The following LRRTM4 variants were observed in gnomAD, a reference collection of about 807,000 sequenced individuals.
The protein encoded by LRRTM4 is leucine rich repeat transmembrane neuronal 4, also known as leucine-rich repeat transmembrane neuronal protein 4.
In LRRTM4, 25 loss-of-function variants were observed where a neutral mutation model predicts 47.6. That is an observed-to-expected ratio of 0.53 (90% CI 0.38 to 0.73). The LOEUF (loss-of-function observed/expected upper bound fraction) is 0.73, where lower values mean the gene tolerates loss of function less well. LRRTM4 is among the 30% of genes least tolerant of loss of function. The pLI, the probability that LRRTM4 is intolerant of heterozygous loss-of-function variation, is 0.00. For synonymous variants in LRRTM4, 311 were observed against 269.5 expected (o/e 1.15, Z -1.51); for missense variants, 638 against 713.4 (o/e 0.89, Z 1.20).
intron 3 of LRRTM4, among the ~76,000 whole-genome samples, chr2:77,155,324 G>A (rs1251817987): frequency 1.3e-5 from 2 of 151,576 alleles, no homozygotes; most frequent in Admixed American, 6.6e-5. Flanking sequence ...GATACTGATA[G>A]TCATTGGATT....
At chr2:76,775,510 A>G (rs1488820510) in intron 3 of LRRTM4, among the ~76,000 whole-genome samples, 1 of 152,158 alleles carries the variant, frequency 6.6e-6, no homozygotes, top group African/African-American at 2.4e-5. Context: ...ATTTTTTGAC[A>G]ATAGGGACAA....
chr2:77,450,286 C>A (rs931003057), intron 3 of LRRTM4, among the ~76,000 whole-genome samples: 5 of 125,850 alleles, frequency 4.0e-5, no homozygotes, highest in Non-Finnish European at 7.0e-5. Context: ...CTCTGTCATG[C>A]ACACACACAC....
At chr2:77,325,368 T>A (rs1287117953) in intron 3 of LRRTM4, among the ~76,000 whole-genome samples, 1 of 152,084 alleles carries the variant, frequency 6.6e-6, no homozygotes, top group African/African-American at 2.4e-5. Flanking sequence ...AAGACGTGAG[T>A]TCAGTTTGGG....
intron 2 of LRRTM4, among the ~76,000 whole-genome samples, chr2:77,521,022 TCAAA>T (rs80037959): frequency 0.072 from 10,882 of 152,074 alleles, 465 homozygotes; most frequent in Non-Finnish European, 0.093. Flanking sequence ...ATCCTTCTTC[TCAAA>T]CAGTTAAGTT....
rs77669486 is a variant in LRRTM4 at position 77,495,562 on chromosome 2, T to C, written c.1551+22756A>G. On this transcript the variant is annotated intron_variant, in intron 3 of 3. Coordinates refer to ENST00000409884, the MANE Select transcript of LRRTM4 (RefSeq NM_001134745.3). The stretch of plus-strand genomic sequence containing the variant: ...TAGGTCTATGATCCATGAAATCAAA[T>C]TGGTATGAGGCATGAGGTTGAGTGA... 7.5e-3 allele frequency among the ~76,000 whole-genome samples: 1,135 copies of C among 152,174 alleles called. 32 individuals carry two copies. The highest frequency in any genetic ancestry group is 0.063 in the East Asian group (329 of 5,184).
intron 3 of LRRTM4, among the ~76,000 whole-genome samples, chr2:76,882,187 A>G (rs939527848): frequency 6.6e-6 from 1 of 152,170 alleles, no homozygotes; most frequent in East Asian, 1.9e-4. Context: ...TGATGTCTAT[A>G]TAAGATATTA....
chr2:77,454,952 C>T (rs1416501230), intron 3 of LRRTM4, among the ~76,000 whole-genome samples: 1 of 152,100 alleles, frequency 6.6e-6, no homozygotes, highest in East Asian at 1.9e-4. Context: ...CTTTGGGAGG[C>T]TGAGGCAGGC....
rs1306884477 is a variant in LRRTM4, at chr2:76,945,177, T to G, written c.1552-196261A>C. On this transcript the variant is annotated intron_variant, in intron 3 of 3. Transcript: ENST00000409884. ...TACCAAGTGTAATTATTTAATAGTTTTCCTTTTATCTCTGTAAAAATAAGA... is the reference window on the plus strand; with the variant it reads ...TACCAAGTGTAATTATTTAATAGTTGTCCTTTTATCTCTGTAAAAATAAGA... Among the ~76,000 whole-genome samples, 6 of 152,110 alleles carry G rather than the reference T, an allele frequency of 3.9e-5. No individual in the cohort carries two copies. The East Asian group carries it at 9.6e-4, about 24-fold the overall frequency.
intron 3 of LRRTM4, among the ~76,000 whole-genome samples, chr2:76,799,669 T>C (rs1190659084): frequency 1.5e-5 from 2 of 131,348 alleles, no homozygotes; most frequent in Admixed American, 7.5e-5. Context: ...ATTGTCCCTG[T>C]TTGCGGATGA....
At chr2:77,437,563 G>A (rs1414575185) in intron 3 of LRRTM4, among the ~76,000 whole-genome samples, 1 of 152,024 alleles carries the variant, frequency 6.6e-6, no homozygotes, top group East Asian at 1.9e-4. Context: ...TATACTTCGA[G>A]TAAGAACATT....
At chr2:77,092,450 C>A (rs914120510) in intron 3 of LRRTM4, among the ~76,000 whole-genome samples, 1 of 144,380 alleles carries the variant, frequency 6.9e-6, no homozygotes, top group East Asian at 2.3e-4. Context: ...TAGAACCTCT[C>A]ATTTCCTTTC....
intron 3 of LRRTM4, among the ~76,000 whole-genome samples, chr2:77,425,817 G>A (rs1429486897): frequency 6.6e-6 from 1 of 151,968 alleles, no homozygotes. Context: ...CTAAGACAGT[G>A]ATTAAAAGTC....
chr2:76,985,831 T>C (rs967803106), intron 3 of LRRTM4: 4 of 151,922 alleles, frequency 2.6e-5, no homozygotes, highest in East Asian at 1.9e-4. Flanking sequence ...TAAAAGAATA[T>C]TGAAAGACAA....
At chr2:76,936,288 G>A (rs1419723827) in intron 3 of LRRTM4, among the ~76,000 whole-genome samples, 6 of 151,972 alleles carry the variant, frequency 3.9e-5, no homozygotes, top group Non-Finnish European at 7.4e-5. Context: ...GGCCTTTTCA[G>A]GGACATGGAT....
intron 3 of LRRTM4, among the ~76,000 whole-genome samples, chr2:77,359,430 A>C (rs1400954564): frequency 6.6e-6 from 1 of 152,166 alleles, no homozygotes; most frequent in Non-Finnish European, 1.5e-5. Flanking sequence ...TCAATACTAC[A>C]TTATATTAAC....
At chr2:77,426,242 T>A (rs2103893416) in intron 3 of LRRTM4, among the ~76,000 whole-genome samples, 1 of 152,320 alleles carries the variant, frequency 6.6e-6, no homozygotes. Flanking sequence ...TGTCTTTCAC[T>A]AACTAACACC....
intron 3 of LRRTM4, among the ~76,000 whole-genome samples, chr2:76,826,890 G>A (rs932164053): frequency 6.6e-6 from 1 of 151,856 alleles, no homozygotes; most frequent in East Asian, 1.9e-4. Context: ...ATTTGTGGAG[G>A]GAAACTCATC....
intron 3 of LRRTM4, among the ~76,000 whole-genome samples, chr2:76,801,066 G>A (rs1395677570): frequency 1.3e-5 from 2 of 150,438 alleles, no homozygotes; most frequent in African/African-American, 2.5e-5. Flanking sequence ...CTGTTGGTGG[G>A]ACTGTAAACT....
Position 77,216,356 on chromosome 2 carries a change from T to C in LRRTM4, c.1551+301962A>G, listed in dbSNP as rs999516212. 6.6e-5 allele frequency among the ~76,000 whole-genome samples: 10 copies of C among 152,312 alleles called. 1 individual carries two copies. The highest frequency in any genetic ancestry group is 5.2e-4 in the Admixed American group (8 of 15,304). ...TAAAGTATTTTAGAAGGAATAATAATGTGCTTGCTTTAAGAAATACAGTAT... is the reference window on the plus strand; with the variant it reads ...TAAAGTATTTTAGAAGGAATAATAACGTGCTTGCTTTAAGAAATACAGTAT... On this transcript the variant is annotated intron_variant, in intron 3 of 3. Coordinates refer to ENST00000409884, the MANE Select transcript of LRRTM4 (RefSeq NM_001134745.3).
Sources: allele counts gnomAD v4.1 joint callset (sites outside exome capture counted in the v4.1 genomes callset), GRCh38; gene constraint gnomAD v4.1.1; transcripts MANE v1.5; gene names NCBI Gene and HGNC (gene_info 2026-07-23, HGNC 2026-07-21).